The following IMMP2L variants were observed in gnomAD, a reference collection of about 807,000 sequenced individuals.
The protein encoded by IMMP2L is inner mitochondrial membrane peptidase subunit 2.
In IMMP2L, 18 loss-of-function variants were observed where a neutral mutation model predicts 19.3. That is an observed-to-expected ratio of 0.93 (90% CI 0.64 to 1.38). The LOEUF (loss-of-function observed/expected upper bound fraction) is 1.38. Among genes scored for constraint, IMMP2L ranks in the 40% most tolerant of loss-of-function variants. The pLI, the probability that IMMP2L is intolerant of heterozygous loss-of-function variation, is 0.00. For missense variants in IMMP2L, 233 were observed against 218.2 expected (o/e 1.07, Z -0.43); for synonymous variants, 76 against 73.0 (o/e 1.04, Z -0.21).
At chr7:111,460,886 T>C (rs1840079367) in intron 3 of IMMP2L, among the ~76,000 whole-genome samples, 1 of 152,080 alleles carries the variant, frequency 6.6e-6, no homozygotes, top group Non-Finnish European at 1.5e-5. Context: ...CACTAGTAAA[T>C]CATTATTCAG....
intron 3 of IMMP2L, among the ~76,000 whole-genome samples, chr7:111,460,547 T>C (rs1697043635): frequency 6.6e-6 from 1 of 152,120 alleles, no homozygotes; most frequent in Admixed American, 6.6e-5. Context: ...TTGTCTTTTT[T>C]TTTAAGTGGT....
chr7:110,721,478 TATC>T (rs1354505394), intron 5 of IMMP2L, among the ~76,000 whole-genome samples: 1 of 151,916 alleles, frequency 6.6e-6, no homozygotes, highest in Admixed American at 6.6e-5. Flanking sequence ...GAAATGAAAA[TATC>T]ATATAGGTTT....
intron 3 of IMMP2L, among the ~76,000 whole-genome samples, chr7:111,354,542 G>T (rs1828505178): frequency 6.6e-6 from 1 of 150,732 alleles, no homozygotes; most frequent in Non-Finnish European, 1.5e-5. Flanking sequence ...AGGGACGAGA[G>T]GTTCTAGTCA....
chr7:111,127,893 C>T (rs1364569406), intron 3 of IMMP2L, among the ~76,000 whole-genome samples: 1 of 151,774 alleles, frequency 6.6e-6, no homozygotes, highest in Non-Finnish European at 1.5e-5. Context: ...AATAAGCATA[C>T]CCAATTGAAT....
intron 5 of IMMP2L, among the ~76,000 whole-genome samples, chr7:110,759,550 T>C (rs1158639129): frequency 6.6e-6 from 1 of 152,142 alleles, no homozygotes; most frequent in South Asian, 2.1e-4. Flanking sequence ...CTAAGTATTT[T>C]ATAAAGAGGC....
Position 111,189,571 on chromosome 7 carries a change from T to A in IMMP2L, c.240-226006A>T, listed in dbSNP as rs186263496. ...ATAACCTAAGTCCTGAAAAAAAAAA[T>A]AAATAAATATTGGTCCACATTCTCC... is the stretch of plus-strand genomic sequence containing the variant. On this transcript the variant is annotated intron_variant, in intron 3 of 5. Transcript: ENST00000405709. 9.3e-3 allele frequency among the ~76,000 whole-genome samples: 1,416 copies of A among 151,522 alleles called. 22 individuals are homozygous for A. Among genetic ancestry groups the A allele is most frequent in the African/African-American group, 0.032 (1,307 of 41,274 alleles).
chr7:110,770,859 C>G (rs1798986540), intron 5 of IMMP2L, among the ~76,000 whole-genome samples: 2 of 152,060 alleles, frequency 1.3e-5, no homozygotes, highest in South Asian at 4.1e-4. Context: ...CACTTTATGG[C>G]AAAAGGAATA....
At chr7:110,735,650 C>T (rs1274708079) in intron 5 of IMMP2L, among the ~76,000 whole-genome samples, 1 of 82,512 alleles carries the variant, frequency 1.2e-5, no homozygotes, top group Admixed American at 1.4e-4. Context: ...ATATATTAGA[C>T]AAATATATAT....
intron 5 of IMMP2L, among the ~76,000 whole-genome samples, chr7:110,778,438 T>C (rs1300165136): frequency 6.6e-6 from 1 of 152,010 alleles, no homozygotes; most frequent in East Asian, 1.9e-4. Flanking sequence ...ATGCACGTAT[T>C]CATCATCGTT....
chr7:111,083,085 T>G (rs561971068), intron 3 of IMMP2L, among the ~76,000 whole-genome samples: 1 of 152,246 alleles, frequency 6.6e-6, no homozygotes, highest in Non-Finnish European at 1.5e-5. Flanking sequence ...ATATTTAAAA[T>G]ATAGTAAAGT....
intron 3 of IMMP2L, among the ~76,000 whole-genome samples, chr7:111,273,506 C>A: frequency 6.6e-6 from 1 of 151,802 alleles, no homozygotes; most frequent in East Asian, 1.9e-4. Flanking sequence ...AGGAAGTGGC[C>A]GGATATAGAA....
rs189169580 is a variant in IMMP2L at position 110,685,200 on chromosome 7, C to G, written c.409-21479G>C. 3.5e-3 allele frequency among the ~76,000 whole-genome samples: 538 copies of G among 152,110 alleles called. 4 individuals carry two copies. The highest frequency in any genetic ancestry group is 0.012 in the African/African-American group (509 of 41,502). ...GGAGCACCATAATGTAAAGACAGTC[C>G]AAGAAACAGGAGTGGAGTGAGCATC... On this transcript the variant is annotated intron_variant, in intron 5 of 5. Transcript: ENST00000405709.
At chr7:111,083,997 A>C (rs1189249062) in intron 3 of IMMP2L, among the ~76,000 whole-genome samples, 2 of 152,160 alleles carry the variant, frequency 1.3e-5, no homozygotes, top group Non-Finnish European at 2.9e-5. Context: ...GAACAGTAAG[A>C]AGTAGGCTTG....
chr7:111,149,478 T>C lies in IMMP2L; in HGVS notation c.240-185913A>G, dbSNP rs555354257. On this transcript the variant is annotated intron_variant, in intron 3 of 5. Transcript: ENST00000405709. The stretch of plus-strand genomic sequence containing the variant: ...AAAATTAACTACTAATAGCCTACTG[T>C]TGACTGGAAGTCTTACAGATAACAG... 3.9e-4 allele frequency among the ~76,000 whole-genome samples: 59 copies of C among 152,332 alleles called. 1 individual carries two copies. In the South Asian group the frequency reaches 0.012, roughly 30 times the overall value.
chr7:111,309,676 A>T (rs1364270922), intron 3 of IMMP2L, among the ~76,000 whole-genome samples: 1 of 152,144 alleles, frequency 6.6e-6, no homozygotes, highest in Non-Finnish European at 1.5e-5. Context: ...AATTAGCTAA[A>T]AGTTTAAATT....
intron 3 of IMMP2L, among the ~76,000 whole-genome samples, chr7:111,285,245 C>A (rs1056560711): frequency 1.3e-5 from 2 of 152,126 alleles, no homozygotes; most frequent in Non-Finnish European, 2.9e-5. Flanking sequence ...AATGTAACAG[C>A]CTAACAAACG....
At chr7:111,099,392 A>T (rs1479438348) in intron 3 of IMMP2L, among the ~76,000 whole-genome samples, 2 of 151,750 alleles carry the variant, frequency 1.3e-5, no homozygotes, top group Non-Finnish European at 3.0e-5. Context: ...CTTCTTCAGT[A>T]TGAATAAGCT....
At chr7:111,345,253 A>G (rs1057479165) in intron 3 of IMMP2L, among the ~76,000 whole-genome samples, 3 of 152,138 alleles carry the variant, frequency 2.0e-5, no homozygotes, top group African/African-American at 7.2e-5. Context: ...AATTCCAAGT[A>G]GACAGATTTT....
intron 4 of IMMP2L, among the ~76,000 whole-genome samples, chr7:110,926,898 C>T (rs145008460): frequency 6.6e-6 from 1 of 152,232 alleles, no homozygotes; most frequent in African/African-American, 2.4e-5. Context: ...GTTCAGGGGA[C>T]ACTGTAAATC....
Sources: allele counts gnomAD v4.1 joint callset (sites outside exome capture counted in the v4.1 genomes callset), GRCh38; gene constraint gnomAD v4.1.1; transcripts MANE v1.5; gene names NCBI Gene and HGNC (gene_info 2026-07-23, HGNC 2026-07-21).